The following RGS1 variants were observed in gnomAD, a reference collection of about 807,000 sequenced individuals.
RGS1 encodes the protein B-cell activation protein BL34.
RGS1 carries 11 observed loss-of-function variants against 22.2 expected under a neutral mutation model. That is an observed-to-expected ratio of 0.50 (90% confidence interval 0.31 to 0.82). RGS1 has a LOEUF of 0.82. RGS1 is among the 40% of genes least tolerant of loss of function. RGS1 has a pLI of 0.04. For missense variants in RGS1, 255 were observed against 245.8 expected, an observed-to-expected ratio of 1.04 and a Z score of -0.25; for synonymous variants, 81 against 79.9, an observed-to-expected ratio of 1.01 and a Z score of -0.07.
At chr1:192,579,002 A>G in intron 4 of RGS1, 135 bp from the exon 5 acceptor site, 1 of 789,376 alleles carries the variant, frequency 1.3e-6, no homozygotes, top group Admixed American at 2.9e-5. Context: ...GATTTTACAA[A>G]GGCATTTAAG....
intron 3 of RGS1, chr1:192,577,773 T>C (rs16834437): frequency 0.028 from 4,920 of 174,992 alleles, 270 homozygotes; most frequent in African/African-American, 0.11. Flanking sequence ...TATATAGGCC[T>C]AACATTTTCT....
rs1249178663 is a variant in RGS1, at chr1:192,575,870, G to A, written c.78G>A (p.Leu26=). ...TCTTCTCTGCTAACCCAAAGGAATT[G>A]AAAGGAACCACTCATTCACTTCTAG... The part of the protein sequence containing the change: ...GMFFSANPKE[L]KGTTHSLLDD... The change falls in exon 1 of 5, where the codon TTG becomes TTA. Residue 26 remains leucine (L), a synonymous_variant. Transcript: ENST00000367459. 1.9e-6 allele frequency: 3 copies of A among 1,613,376 alleles called. No homozygotes were observed. Among genetic ancestry groups the A allele is most frequent in the African/African-American group, 1.3e-5 (1 of 75,024 alleles).
intron 4 of RGS1, chr1:192,578,852 A>T: frequency 2.5e-6 from 1 of 407,032 alleles, no homozygotes; most frequent in East Asian, 4.2e-5. Context: ...ATCACTCTTT[A>T]TGATACATGG....
In RGS1 at chr1:192,578,377, G is replaced by T. The variant is rs2102320095; in HGVS notation, c.436G>T (p.Ala146Ser). 1 of 1,612,466 alleles carries T rather than the reference G, an allele frequency of 6.2e-7. No homozygotes were observed. Reference sequence around the variant, plus strand: ...TAAAGCATTTGTGCATTCAGATGCTGCTAAACAAGTGAGTATTAAGCTTAT... The same window carrying T: ...TAAAGCATTTGTGCATTCAGATGCTTCTAAACAAGTGAGTATTAAGCTTAT... ...IYKAFVHSDA[A>S]KQINIDFRTR... The change falls in exon 4 of 5, where the codon GCT becomes TCT. Residue 146 changes from alanine (A) to serine (S), a missense_variant. Ala to Ser is a moderately conservative substitution (Grantham distance 99). Transcript: ENST00000367459.
At chr1:192,578,201 C>T (rs773999939) in intron 3 of RGS1, 21 bp from the exon 4 acceptor site, 2 of 1,591,410 alleles carry the variant, frequency 1.3e-6, no homozygotes, top group East Asian at 2.2e-5. Context: ...ATCTCCCCAC[C>T]CACCCCTCGT....
At chr1:192,579,015 A>G in intron 4 of RGS1, 122 bp from the exon 5 acceptor site, 1 of 862,552 alleles carries the variant, frequency 1.2e-6, no homozygotes, top group Non-Finnish European at 1.8e-6. Context: ...CATTTAAGAG[A>G]TATTTGAATT....
At chr1:192,577,428 T>C (rs568789737) in intron 3 of RGS1, 80 of 152,182 alleles carry the variant, frequency 5.3e-4, no homozygotes, top group African/African-American at 1.7e-3. Context: ...GCACATATAG[T>C]CTTGTGGAGA....
chr1:192,576,457 A>G (rs1233765295), intron 2 of RGS1, 92 bp downstream of exon 2: 6 of 869,420 alleles, frequency 6.9e-6, no homozygotes, highest in Non-Finnish European at 1.1e-5. Context: ...AATACTGCGC[A>G]CAGTAGACTT....
At chr1:192,576,941 A>C in intron 3 of RGS1, 106 bp downstream of exon 3, 1 of 967,440 alleles carries the variant, frequency 1.0e-6, no homozygotes, top group Admixed American at 2.3e-5. Flanking sequence ...AAAAGGTTGT[A>C]TTCTAGTTTG....
rs953300647 is a variant in RGS1 at position 192,579,262 on chromosome 1, C to T, written c.570C>T (p.Phe190=). 5 of 1,613,054 alleles carry T rather than the reference C, an allele frequency of 3.1e-6. No individual in the cohort carries two copies. The highest frequency in any genetic ancestry group is 2.2e-5 in the East Asian group (1 of 44,850). The change falls in exon 5 of 5, where the codon TTC becomes TTT. Residue 190 remains phenylalanine, a synonymous_variant. Transcript: ENST00000367459. ...TLMEKDSYPR[F]LKSDIYLNLL... is the part of the protein sequence containing the mutation. Reference sequence around the variant, plus strand: ...TGGAAAAGGACTCTTATCCCAGGTTCCTCAAATCAGATATTTACTTAAATC... The same window carrying T: ...TGGAAAAGGACTCTTATCCCAGGTTTCTCAAATCAGATATTTACTTAAATC...
intron 4 of RGS1, chr1:192,578,683 G>A (rs1482973679): frequency 2.1e-6 from 1 of 467,116 alleles, no homozygotes; most frequent in African/African-American, 2.0e-5. Context: ...CTTAATGAGT[G>A]CTCTTGTTTT....
At chr1:192,577,017 G>T (rs1306517967) in intron 3 of RGS1, 182 bp downstream of exon 3, 2 of 433,994 alleles carry the variant, frequency 4.6e-6, no homozygotes, top group Admixed American at 8.6e-5. Context: ...ACTCAATTCT[G>T]CCAACTCCTT....
chr1:192,579,215 C>T lies in RGS1; in HGVS notation c.523C>T (p.Gln175Ter). ...AACCCCCACGTGTTTTGATGAAGCA[C>T]AAAAAGTCATATATACTCTTATGGA... ...APTPTCFDEA[Q>*]KVIYTLMEKD... is the part of the protein sequence containing the mutation. The change falls in exon 5 of 5, where the codon CAA becomes TAA. Residue 175 changes from glutamine (Q) to a stop codon, truncating the protein, a stop_gained. Coordinates refer to ENST00000367459, the MANE Select transcript of RGS1 (RefSeq NM_002922.4). LOFTEE classifies it high-confidence loss of function. 6.2e-7 allele frequency: 1 copy of T among 1,613,268 alleles called. No homozygotes were observed. Among genetic ancestry groups the T allele is most frequent in the Non-Finnish European group, 8.5e-7 (1 of 1,179,506 alleles).
intron 4 of RGS1, 47 bp from the exon 5 acceptor site, chr1:192,579,090 T>G (rs781457000): frequency 3.2e-6 from 5 of 1,547,024 alleles, no homozygotes; most frequent in Non-Finnish European, 4.4e-6. Context: ...TCATAAAATT[T>G]GCAGTAAAGA....
chr1:192,579,272 G>T lies in RGS1; in HGVS notation c.580G>T (p.Asp194Tyr). The change falls in exon 5 of 5, where the codon GAT (aspartate) becomes TAT (tyrosine). Residue 194 changes from aspartate to tyrosine, a missense_variant. Coordinates refer to ENST00000367459, the MANE Select transcript of RGS1 (RefSeq NM_002922.4). ...CTCTTATCCCAGGTTCCTCAAATCAGATATTTACTTAAATCTTCTAAATGA... is the reference window on the plus strand; with the variant it reads ...CTCTTATCCCAGGTTCCTCAAATCATATATTTACTTAAATCTTCTAAATGA... ...KDSYPRFLKSDIYLNLLNDLQ... is the reference protein window; with the variant it reads ...KDSYPRFLKSYIYLNLLNDLQ... 1 of 1,613,058 alleles carries T rather than the reference G, an allele frequency of 6.2e-7. No individual in the cohort carries two copies. The highest frequency in any genetic ancestry group is 8.5e-7 in the Non-Finnish European group (1 of 1,179,358).
At chr1:192,578,660 A>G (rs1662107749) in intron 4 of RGS1, 2 of 512,702 alleles carry the variant, frequency 3.9e-6, no homozygotes, top group Admixed American at 3.7e-5. Context: ...CCAGAACTGC[A>G]TGTCAGGGAG....
In RGS1 at chr1:192,578,238, T is replaced by C. The variant is rs745712891; in HGVS notation, c.297T>C (p.Phe99=). 31 of 1,611,852 alleles carry C rather than the reference T, an allele frequency of 1.9e-5. No homozygotes were observed. The highest frequency in any genetic ancestry group is 2.5e-5 in the Non-Finnish European group (30 of 1,178,944). The change falls in exon 4 of 5, where the codon TTT becomes TTC. Residue 99 remains phenylalanine (F), a synonymous_variant. Transcript: ENST00000367459. ...TCTTTTTAGCTGGTCAAAATGTCTT[T>C]GGAAGTTTCCTAAAGTCTGAATTCA... ...LLANQTGQNV[F]GSFLKSEFSE...
At chr1:192,578,052 G>T (rs1571549034) in intron 3 of RGS1, 170 bp from the exon 4 acceptor site, 2 of 746,464 alleles carry the variant, frequency 2.7e-6, no homozygotes, top group East Asian at 2.9e-5. Context: ...AATTTCAAAT[G>T]ACTTCTCATC....
chr1:192,576,322 C>A lies in RGS1; in HGVS notation c.175C>A (p.Pro59Thr). ...GAAAGCATACCTGAGATCTATGATC[C>A]CACATCTGGAATCTGGAATGAAATC... ...DMKAYLRSMIPHLESGMKSSK... is the reference protein window; with the variant it reads ...DMKAYLRSMITHLESGMKSSK... Residue 59 changes from proline (P) to threonine (T), a missense_variant, in exon 2 of 5, where the codon CCA (proline) becomes ACA (threonine). Transcript: ENST00000367459. The A allele has an allele frequency of 6.2e-7, 1 of 1,611,224 alleles. No individual in the cohort carries two copies. Among genetic ancestry groups the A allele is most frequent in the Non-Finnish European group, 8.5e-7 (1 of 1,178,036 alleles).
Sources: gnomAD v4.1 joint callset for allele counts on GRCh38, gnomAD v4.1.1 for gene constraint, MANE v1.5 for transcripts, NCBI Gene and HGNC (gene_info 2026-07-23, HGNC 2026-07-21) for gene names.